The following CDKAL1 variants were observed in gnomAD, a reference collection of about 807,000 sequenced individuals.
CDKAL1 encodes CDKAL1 threonylcarbamoyladenosine tRNA methylthiotransferase.
A neutral mutation model predicts 68.2 loss-of-function variants in CDKAL1; 32 were observed. That is an observed-to-expected ratio of 0.47 (90% confidence interval 0.35 to 0.63). The LOEUF (loss-of-function observed/expected upper bound fraction) is 0.63, where lower values mean the gene tolerates loss of function less well. Among genes scored for constraint, CDKAL1 ranks in the 30% least tolerant of loss-of-function variants. The probability of loss-of-function intolerance (pLI) is 0.00; values close to 1 mark genes in which losing one functional copy is unlikely to be tolerated. For missense variants in CDKAL1, 606 were observed against 696.7 expected (o/e 0.87, Z 1.47); for synonymous variants, 234 against 244.3 (o/e 0.96, Z 0.39).
intron 4 of CDKAL1, among the ~76,000 whole-genome samples, chr6:20,566,462 C>CTA: frequency 6.6e-6 from 1 of 152,114 alleles, no homozygotes; most frequent in Non-Finnish European, 1.5e-5. Context: ...TTTCTTTAAG[C>CTA]ATGTATCAGT....
intron 9 of CDKAL1, among the ~76,000 whole-genome samples, chr6:20,885,401 A>G (rs1019290570): frequency 2.0e-5 from 3 of 152,344 alleles, no homozygotes; most frequent in South Asian, 2.1e-4. Context: ...CCAGGGAACC[A>G]CATTTATTCA....
In CDKAL1 at chr6:20,679,508, T is replaced by C. The variant is rs550783476; in HGVS notation, c.371+30131T>C. On this transcript the variant is annotated intron_variant, in intron 5 of 15. Coordinates refer to ENST00000274695, the MANE Select transcript of CDKAL1 (RefSeq NM_017774.3). ...TACAGTTATGTAGCAATGAGCTCAT[T>C]ATCAGTCCTTTTGCTGAAATTTCCC... 2.1e-4 allele frequency among the ~76,000 whole-genome samples: 32 copies of C among 152,358 alleles called. 1 individual carries two copies. The South Asian group carries it at 4.6e-3, about 22-fold the overall frequency.
chr6:20,781,471 A>G (rs1366309447), intron 8 of CDKAL1, among the ~76,000 whole-genome samples: 1 of 152,180 alleles, frequency 6.6e-6, no homozygotes, highest in Non-Finnish European at 1.5e-5. Flanking sequence ...TAACTTTAAT[A>G]TTATTCCCAT....
At chr6:21,143,567 C>T (rs1776026121) in intron 13 of CDKAL1, among the ~76,000 whole-genome samples, 1 of 152,098 alleles carries the variant, frequency 6.6e-6, no homozygotes, top group African/African-American at 2.4e-5. Flanking sequence ...CTTAATTTGT[C>T]AGGCTTTTAT....
intron 5 of CDKAL1, among the ~76,000 whole-genome samples, chr6:20,735,302 T>C (rs1773139041): frequency 6.6e-6 from 1 of 151,894 alleles, no homozygotes; most frequent in African/African-American, 2.4e-5. Flanking sequence ...GGTAATTTAT[T>C]AAAAAAAAGA....
intron 8 of CDKAL1, among the ~76,000 whole-genome samples, chr6:20,826,631 A>G (rs965752733): frequency 6.6e-6 from 1 of 152,144 alleles, no homozygotes; most frequent in Non-Finnish European, 1.5e-5. Context: ...TGCGAGATGC[A>G]TGTGAGTCAT....
intron 6 of CDKAL1, among the ~76,000 whole-genome samples, chr6:20,743,328 T>A (rs1773537206): frequency 6.6e-6 from 1 of 152,192 alleles, no homozygotes. Context: ...AGGAAGAATG[T>A]GTCAATTCTG....
chr6:20,644,787 A>C (rs910255436), intron 4 of CDKAL1, among the ~76,000 whole-genome samples: 1 of 152,262 alleles, frequency 6.6e-6, no homozygotes, highest in Non-Finnish European at 1.5e-5. Flanking sequence ...GCATTTTGAC[A>C]TATTCACAGA....
chr6:21,203,688 C>T (rs1778784546), intron 15 of CDKAL1, among the ~76,000 whole-genome samples: 1 of 146,746 alleles, frequency 6.8e-6, no homozygotes, highest in African/African-American at 2.5e-5. Context: ...TCTCACTTGA[C>T]CTCTTTTTTT....
intron 9 of CDKAL1, among the ~76,000 whole-genome samples, chr6:20,891,256 CTCT>C (rs1174439719): frequency 6.6e-6 from 1 of 152,194 alleles, no homozygotes; most frequent in Non-Finnish European, 1.5e-5. Flanking sequence ...TCAGTCCTTC[CTCT>C]TCTTATCTCC....
intron 8 of CDKAL1, among the ~76,000 whole-genome samples, chr6:20,798,395 A>G (rs758878855): frequency 3.9e-4 from 60 of 152,186 alleles, no homozygotes; most frequent in Non-Finnish European, 7.2e-4. Flanking sequence ...TGAAGAAAAT[A>G]ATATTTATTA....
At chr6:21,059,865 T>C (rs755500540) in intron 11 of CDKAL1, among the ~76,000 whole-genome samples, 16 of 152,220 alleles carry the variant, frequency 1.1e-4, no homozygotes, top group Non-Finnish European at 8.8e-5. Flanking sequence ...TTCACCCAAG[T>C]AGTGAACACT....
intron 5 of CDKAL1, among the ~76,000 whole-genome samples, chr6:20,730,095 A>C (rs1307557372): frequency 2.6e-5 from 4 of 152,080 alleles, no homozygotes; most frequent in Non-Finnish European, 5.9e-5. Flanking sequence ...CGAGATGGAC[A>C]GATCACTTGA....
intron 6 of CDKAL1, among the ~76,000 whole-genome samples, chr6:20,750,762 G>C (rs943584599): frequency 6.6e-6 from 1 of 151,822 alleles, no homozygotes; most frequent in Non-Finnish European, 1.5e-5. Context: ...TCAGGAGTTC[G>C]GGATCAGTCT....
At chr6:20,789,835 C>A (rs1344984995) in intron 8 of CDKAL1, among the ~76,000 whole-genome samples, 1 of 152,306 alleles carries the variant, frequency 6.6e-6, no homozygotes, top group African/African-American at 2.4e-5. Flanking sequence ...CTTAGAGATG[C>A]TTTTACAGTT....
chr6:20,802,579 C>T (rs1776414310), intron 8 of CDKAL1, among the ~76,000 whole-genome samples: 1 of 151,978 alleles, frequency 6.6e-6, no homozygotes, highest in Non-Finnish European at 1.5e-5. Context: ...TGTATACACA[C>T]ACATATATAA....
At chr6:21,204,352 TC>T (rs1778815017) in intron 15 of CDKAL1, among the ~76,000 whole-genome samples, 1 of 152,064 alleles carries the variant, frequency 6.6e-6, no homozygotes, top group South Asian at 2.1e-4. Context: ...CTACCCCTAT[TC>T]CCCCAACCCT....
At chr6:20,819,590 G>A (rs115379150) in intron 8 of CDKAL1, among the ~76,000 whole-genome samples, 3,585 of 152,206 alleles carry the variant, frequency 0.024, 70 homozygotes, top group Admixed American at 0.035. Context: ...GTTATCCTAA[G>A]ATGACCAAGT....
chr6:21,109,334 G>A (rs1307094214), intron 13 of CDKAL1, among the ~76,000 whole-genome samples: 1 of 152,174 alleles, frequency 6.6e-6, no homozygotes, highest in Non-Finnish European at 1.5e-5. Context: ...TTTATAGGGA[G>A]ACATGTGGTA....
Sources: allele counts gnomAD v4.1 joint callset (sites outside exome capture counted in the v4.1 genomes callset), GRCh38; gene constraint gnomAD v4.1.1; transcripts MANE v1.5; gene names NCBI Gene and HGNC (gene_info 2026-07-23, HGNC 2026-07-21).